The following NPTN variants were observed in gnomAD, a reference collection of about 807,000 sequenced individuals.
The protein encoded by NPTN is SDR-1.
NPTN carries 5 observed loss-of-function variants against 42.7 expected under a neutral mutation model. The observed-to-expected ratio is 0.12, with a 90% CI of 0.06 to 0.25. The LOEUF is 0.25. Among genes scored for constraint, NPTN ranks in the 10% least tolerant of loss-of-function variants. The pLI is 1.00. For missense variants in NPTN, 307 were observed against 525.4 expected, an observed-to-expected ratio of 0.58 and a Z score of 4.06; for synonymous variants, 180 against 201.9, an observed-to-expected ratio of 0.89 and a Z score of 0.92.
At chr15:73,620,989 T>C (rs181778412) in intron 1 of NPTN, among the ~76,000 whole-genome samples, 31 of 152,356 alleles carry the variant, frequency 2.0e-4, no homozygotes, top group African/African-American at 7.2e-4. Context: ...ATTTAGGACA[T>C]CAGATTGTTT....
At chr15:73,627,701 T>A (rs1052041429) in intron 1 of NPTN, among the ~76,000 whole-genome samples, 2 of 152,224 alleles carry the variant, frequency 1.3e-5, no homozygotes, top group African/African-American at 2.4e-5. Flanking sequence ...AAACAAAAGT[T>A]AGGCCTACTT....
chr15:73,593,537 T>C (rs756618638), intron 2 of NPTN, among the ~76,000 whole-genome samples: 6 of 152,046 alleles, frequency 3.9e-5, no homozygotes, highest in Non-Finnish European at 7.4e-5. Flanking sequence ...AGCCTTAACG[T>C]GAGGAAAGAA....
chr15:73,590,632 G>A (rs1032577561), intron 3 of NPTN, among the ~76,000 whole-genome samples: 30 of 151,022 alleles, frequency 2.0e-4, no homozygotes, highest in African/African-American at 6.6e-4. Flanking sequence ...AAAATTACCC[G>A]GGTGTGGTGG....
chr15:73,561,698 C>G (rs1031303462), intron 8 of NPTN, among the ~76,000 whole-genome samples, 198 bp downstream of exon 8: 10 of 151,958 alleles, frequency 6.6e-5, no homozygotes, highest in African/African-American at 2.4e-4. Context: ...CAAACAACAA[C>G]AAAAAACAAC....
chr15:73,590,308 C>G (rs1265259649), intron 3 of NPTN, among the ~76,000 whole-genome samples: 2 of 152,084 alleles, frequency 1.3e-5, no homozygotes, highest in Non-Finnish European at 1.5e-5. Context: ...ACACAACACC[C>G]TTGGAGAGCT....
intron 4 of NPTN, among the ~76,000 whole-genome samples, chr15:73,583,157 C>T (rs1037866792): frequency 6.6e-6 from 1 of 152,224 alleles, no homozygotes. Flanking sequence ...TCTCATTCTA[C>T]TTCATCATGC....
intron 2 of NPTN, among the ~76,000 whole-genome samples, chr15:73,594,002 T>C (rs1354290070): frequency 6.6e-6 from 1 of 151,514 alleles, no homozygotes; most frequent in Non-Finnish European, 1.5e-5. Context: ...ACACACACCA[T>C]CAGCAGAAAG....
At chr15:73,591,899 T>C in intron 3 of NPTN, 67 bp downstream of exon 3, 1 of 1,462,286 alleles carries the variant, frequency 6.8e-7, no homozygotes, top group Non-Finnish European at 9.4e-7. Context: ...CAACTATGGA[T>C]TATGAATGTC....
At chr15:73,563,498 C>T in intron 6 of NPTN, 1 of 1,325,666 alleles carries the variant, frequency 7.5e-7, no homozygotes, top group Non-Finnish European at 9.6e-7. Context: ...ACTTTGAATG[C>T]TTGTCATGAA....
intron 1 of NPTN, among the ~76,000 whole-genome samples, chr15:73,622,407 G>A (rs984907606): frequency 3.3e-5 from 5 of 150,626 alleles, no homozygotes; most frequent in Non-Finnish European, 7.4e-5. Flanking sequence ...ATCCTTAAAC[G>A]AGAAGTCCCA....
chr15:73,580,485 A>ATATT (rs1292541384), intron 4 of NPTN, among the ~76,000 whole-genome samples: 1,989 of 132,248 alleles, frequency 0.015, 131 homozygotes, highest in African/African-American at 0.06. Flanking sequence ...ATACATAAAT[A>ATATT]TATATATACA....
chr15:73,629,527 G>A (rs1898616286), intron 1 of NPTN, among the ~76,000 whole-genome samples: 1 of 151,120 alleles, frequency 6.6e-6, no homozygotes, highest in Non-Finnish European at 1.5e-5. Flanking sequence ...TGCAAATACT[G>A]GCATTATTAC....
intron 1 of NPTN, among the ~76,000 whole-genome samples, chr15:73,603,220 G>T (rs1897147258): frequency 6.6e-6 from 1 of 152,148 alleles, no homozygotes; most frequent in Non-Finnish European, 1.5e-5. Context: ...GCTTAAAACA[G>T]TACCTGACAC....
intron 4 of NPTN, among the ~76,000 whole-genome samples, chr15:73,582,050 G>A (rs1179008147): frequency 1.3e-5 from 2 of 152,102 alleles, no homozygotes; most frequent in Non-Finnish European, 2.9e-5. Flanking sequence ...TGGTCAGGCT[G>A]GTCTGGTCTT....
intron 1 of NPTN, among the ~76,000 whole-genome samples, chr15:73,623,390 A>AC (rs1383614690): frequency 6.6e-6 from 1 of 152,216 alleles, no homozygotes; most frequent in African/African-American, 2.4e-5. Flanking sequence ...TCTGATCTTT[A>AC]AAAACTTCTG....
chr15:73,624,336 T>A (rs535765667), intron 1 of NPTN, among the ~76,000 whole-genome samples: 1 of 152,372 alleles, frequency 6.6e-6, no homozygotes, highest in East Asian at 1.9e-4. Flanking sequence ...TTTCCTGGTT[T>A]GCATTAAGGC....
At chr15:73,581,303 T>A (rs1406047342) in intron 4 of NPTN, among the ~76,000 whole-genome samples, 1 of 152,186 alleles carries the variant, frequency 6.6e-6, no homozygotes, top group African/African-American at 2.4e-5. Context: ...GGTCTGAGCG[T>A]CTAACTAAGC....
At chr15:73,586,123 C>T (rs959024242) in intron 4 of NPTN, among the ~76,000 whole-genome samples, 1 of 152,134 alleles carries the variant, frequency 6.6e-6, no homozygotes, top group Non-Finnish European at 1.5e-5. Context: ...GAACTAGACA[C>T]CCCACTCTTT....
At chr15:73,567,229 C>A in intron 6 of NPTN, 4 of 985,108 alleles carry the variant, frequency 4.1e-6, no homozygotes, top group Non-Finnish European at 4.8e-6. Flanking sequence ...ACTGTGCATT[C>A]ATATAAAAAA....
Sources: gnomAD v4.1 joint callset for allele counts (sites outside exome capture counted in the v4.1 genomes callset) on GRCh38, gnomAD v4.1.1 for gene constraint, MANE v1.5 for transcripts, NCBI Gene and HGNC (gene_info 2026-07-23, HGNC 2026-07-21) for gene names.